The following MED13L variants were observed in gnomAD, a reference collection of about 807,000 sequenced individuals.
MED13L encodes the protein mediator complex subunit 13L, also known as mediator of RNA polymerase II transcription subunit 13-like.
Under a neutral mutation model 220.9 loss-of-function variants are expected in MED13L, and 7 were observed. That is an observed-to-expected ratio of 0.03 (90% CI 0.02 to 0.06). MED13L has a LOEUF of 0.06. MED13L is among the 10% of genes least tolerant of loss of function. MED13L has a pLI of 1.00. For synonymous variants in MED13L, 1,011 were observed against 1,015.2 expected (o/e 1.00, Z 0.08); for missense variants, 1,965 against 2,760.5 (o/e 0.71, Z 6.46).
chr12:116,049,537 A>T lies in MED13L; in HGVS notation c.480-26936T>A, dbSNP rs1052648499. Among the ~76,000 whole-genome samples, 5 of 152,352 alleles carry T rather than the reference A, an allele frequency of 3.3e-5. No individual in the cohort carries two copies. The South Asian group carries it at 1.0e-3, about 32-fold the overall frequency. ...AAAAAATGATAGATGAATCATTTGC[A>T]GTTAGGAAAAAATAGACGAAGTATG... On this transcript the variant is annotated intron_variant, in intron 4 of 30. Coordinates refer to ENST00000281928, the MANE Select transcript of MED13L (RefSeq NM_015335.5).
intron 2 of MED13L, among the ~76,000 whole-genome samples, chr12:116,211,288 G>C (rs768596904): frequency 6.6e-5 from 10 of 152,058 alleles, no homozygotes; most frequent in Non-Finnish European, 1.0e-4. Context: ...CTGACACCAG[G>C]GATCTGAATT....
intron 4 of MED13L, among the ~76,000 whole-genome samples, chr12:116,061,385 A>G (rs80116925): frequency 5.0e-4 from 76 of 152,272 alleles, no homozygotes; most frequent in African/African-American, 1.8e-3. Flanking sequence ...AGGAAAGGCA[A>G]TGTCAGAGGG....
At chr12:116,167,305 A>C (rs1225438590) in intron 2 of MED13L, among the ~76,000 whole-genome samples, 1 of 152,216 alleles carries the variant, frequency 6.6e-6, no homozygotes, top group African/African-American at 2.4e-5. Context: ...CCTCGAATAC[A>C]AGCAGTTTAA....
intron 3 of MED13L, among the ~76,000 whole-genome samples, 185 bp from the exon 4 acceptor site, chr12:116,096,937 A>T (rs1287858528): frequency 6.6e-6 from 1 of 152,228 alleles, no homozygotes; most frequent in East Asian, 1.9e-4. Context: ...CACTGGGCAC[A>T]GATTCTTATG....
At chr12:116,182,233 C>T (rs1880578290) in intron 2 of MED13L, among the ~76,000 whole-genome samples, 1 of 152,178 alleles carries the variant, frequency 6.6e-6, no homozygotes, top group African/African-American at 2.4e-5. Context: ...CAAACCCATT[C>T]AAACTGGTCT....
chr12:116,255,358 A>C (rs539752376), intron 1 of MED13L, among the ~76,000 whole-genome samples: 1 of 152,356 alleles, frequency 6.6e-6, no homozygotes, highest in Middle Eastern at 3.4e-3. Context: ...CTCACCTCGC[A>C]CCATGTAAAT....
chr12:116,256,378 A>T (rs1872043682), intron 1 of MED13L, among the ~76,000 whole-genome samples: 4 of 151,982 alleles, frequency 2.6e-5, no homozygotes, highest in Admixed American at 2.0e-4. Context: ...TAAAAATTCT[A>T]GAAAGGGCAA....
chr12:116,242,798 G>A (rs1335100461), intron 1 of MED13L, among the ~76,000 whole-genome samples: 1 of 152,188 alleles, frequency 6.6e-6, no homozygotes, highest in East Asian at 1.9e-4. Flanking sequence ...GCAAATGGCA[G>A]ATCCCAAATA....
chr12:115,961,594 C>T, intron 30 of MED13L, 196 bp from the exon 31 acceptor site: 1 of 743,876 alleles, frequency 1.3e-6, no homozygotes, highest in Non-Finnish European at 2.2e-6. Context: ...CAGTAGCCAG[C>T]AGCCACACAT....
At chr12:116,087,663 T>C (rs1437231676) in intron 4 of MED13L, among the ~76,000 whole-genome samples, 1 of 152,138 alleles carries the variant, frequency 6.6e-6, no homozygotes, top group Admixed American at 6.5e-5. Context: ...TCATCTGCCT[T>C]TCAGCCTTGT....
Position 116,008,779 on chromosome 12 carries a change from A to C in MED13L, c.1634T>G (p.Met545Arg). ...GGATATAGGGGAATGAGGTGAATCC[A>C]TAGGATTCAGATTCATTTGCTTGCT... The part of the protein sequence containing the change: ...NTSKQMNLNP[M>R]DSPHSPISPL... Residue 545 changes from methionine (M) to arginine (R), a missense_variant, in exon 10 of 31, where the codon ATG becomes AGG. Physicochemically the swap from Met to Arg is moderately conservative, Grantham distance 91. This residue lies in a region of MED13L where 818 missense variants were observed against 1,041.2 expected (regional missense o/e 0.79). Coordinates refer to ENST00000281928, the MANE Select transcript of MED13L (RefSeq NM_015335.5). 6.2e-7 allele frequency: 1 copy of C among 1,614,000 alleles called. No individual in the cohort carries two copies. Among genetic ancestry groups the C allele is most frequent in the East Asian group, 2.2e-5 (1 of 44,826 alleles).
chr12:116,206,599 T>C (rs933712271), intron 2 of MED13L, among the ~76,000 whole-genome samples: 1 of 152,122 alleles, frequency 6.6e-6, no homozygotes, highest in Non-Finnish European at 1.5e-5. Context: ...CAAAGGGCTG[T>C]TGAGGAAAAA....
chr12:116,238,954 G>T (rs1210888051), intron 1 of MED13L, among the ~76,000 whole-genome samples: 1 of 152,082 alleles, frequency 6.6e-6, no homozygotes, highest in Non-Finnish European at 1.5e-5. Flanking sequence ...AATTAGCCGG[G>T]CGTGGTGGCG....
At chr12:116,255,173 C>T (rs1302588590) in intron 1 of MED13L, among the ~76,000 whole-genome samples, 1 of 152,146 alleles carries the variant, frequency 6.6e-6, no homozygotes, top group Non-Finnish European at 1.5e-5. Context: ...TAGTGTAGTA[C>T]TGGCATAACA....
intron 2 of MED13L, among the ~76,000 whole-genome samples, chr12:116,148,074 A>AAAAAAAAAAG (rs1377801971): frequency 1.6e-4 from 16 of 98,290 alleles, no homozygotes; most frequent in African/African-American, 3.5e-4. Flanking sequence ...AAAAAAAAAA[A>AAAAAAAAAAG]GAGGGGGGCG....
intron 2 of MED13L, among the ~76,000 whole-genome samples, chr12:116,167,112 G>A (rs1879334816): frequency 6.6e-6 from 1 of 151,962 alleles, no homozygotes. Context: ...AAAGATTAAA[G>A]ATGAGTTTGT....
chr12:116,007,472 A>G lies in MED13L; in HGVS notation c.2177T>C (p.Ile726Thr). The G allele has an allele frequency of 6.2e-7, 1 of 1,613,900 alleles. No homozygotes were observed. The highest frequency in any genetic ancestry group is 8.5e-7 in the Non-Finnish European group (1 of 1,179,958). The change falls in exon 11 of 31, where the codon ATC (isoleucine) becomes ACC (threonine). Residue 726 changes from isoleucine (I) to threonine (T), a missense_variant. Physicochemically the swap from Ile to Thr is moderately conservative, Grantham distance 89 (BLOSUM62 -1). Around this residue, in one of 10 missense-constraint regions of MED13L, gnomAD observed 818 missense variants for 1,041.2 expected, o/e 0.79. Coordinates refer to ENST00000281928, the MANE Select transcript of MED13L (RefSeq NM_015335.5). ...TTTGCATTTCTTGTTGGCTGTAAAGATGTATTTTATGTCACCATCTTCAAA... is the reference window on the plus strand; with the variant it reads ...TTTGCATTTCTTGTTGGCTGTAAAGGTGTATTTTATGTCACCATCTTCAAA... ...YTFEDGDIKY[I>T]FTANKKCKQG...
intron 4 of MED13L, among the ~76,000 whole-genome samples, chr12:116,067,806 AAAAATAAGGATGAACTGTG>A (rs1310424031): frequency 6.6e-5 from 10 of 152,338 alleles, no homozygotes; most frequent in Admixed American, 4.6e-4. Flanking sequence ...TTCACAGAAC[AAAAATAAGGATGAACTGTG>A]AGTAAGCGCA....
chr12:116,164,064 A>G (rs1879072485), intron 2 of MED13L, among the ~76,000 whole-genome samples: 1 of 152,186 alleles, frequency 6.6e-6, no homozygotes, highest in Non-Finnish European at 1.5e-5. Flanking sequence ...TTTCCCAGAA[A>G]TTTTCACATA....
Sources: gnomAD v4.1 joint callset for allele counts (sites outside exome capture counted in the v4.1 genomes callset) on GRCh38, gnomAD v4.1.1 for gene constraint, gnomAD v4.1.1 regional missense constraint, MANE v1.5 for transcripts, NCBI Gene and HGNC (gene_info 2026-07-23, HGNC 2026-07-21) for gene names.